The following IGF2BP3 variants were observed in gnomAD, a reference collection of about 807,000 sequenced individuals.
The protein encoded by IGF2BP3 is insulin like growth factor 2 mRNA binding protein 3, also known as insulin-like growth factor 2 mRNA-binding protein 3.
A neutral mutation model predicts 73.8 loss-of-function variants in IGF2BP3; 9 were observed. The observed-to-expected ratio is 0.12, with a 90% CI of 0.07 to 0.21. IGF2BP3 has a LOEUF of 0.21. IGF2BP3 is among the 10% of genes least tolerant of loss of function. The pLI, the probability that IGF2BP3 is intolerant of heterozygous loss-of-function variation, is 1.00. For synonymous variants in IGF2BP3, 258 were observed against 256.7 expected (o/e 1.01, Z -0.05); for missense variants, 542 against 714.0 (o/e 0.76, Z 2.75).
intron 6 of IGF2BP3, among the ~76,000 whole-genome samples, chr7:23,349,982 T>A (rs994768274): frequency 1.3e-5 from 2 of 152,154 alleles, no homozygotes; most frequent in Non-Finnish European, 2.9e-5. Context: ...TCTTTCCCAC[T>A]CCTACATGAT....
intron 10 of IGF2BP3, among the ~76,000 whole-genome samples, chr7:23,325,601 G>C (rs1784272144): frequency 6.6e-6 from 1 of 152,134 alleles, no homozygotes; most frequent in Admixed American, 6.5e-5. Flanking sequence ...CCAAAAAAGA[G>C]CCCGCATTGC....
chr7:23,469,908 G>T lies in IGF2BP3; in HGVS notation c.175+28C>A, dbSNP rs753806362. 2 of 1,572,476 alleles carry T rather than the reference G, an allele frequency of 1.3e-6. No individual in the cohort carries two copies. Among genetic ancestry groups the T allele is most frequent in the Non-Finnish European group, 8.6e-7 (1 of 1,161,638 alleles). On this transcript the variant is annotated intron_variant, in intron 1 of 14. Coordinates refer to ENST00000258729, the MANE Select transcript of IGF2BP3 (RefSeq NM_006547.3). This position sits in a 1 kb window ranked among gnomAD's most constrained non-coding sequence, Gnocchi z 6.1. ...CGGGCGGTGCAGGGCTGGGGCGAGA[G>T]CCCGGGTGGGGCCAGGCCCGGGCCC...
chr7:23,392,402 G>GC (rs540933159), intron 3 of IGF2BP3, among the ~76,000 whole-genome samples: 1 of 133,888 alleles, frequency 7.5e-6, no homozygotes, highest in Non-Finnish European at 1.6e-5. Context: ...CCATTTGGAA[G>GC]AAAAAAAAAA....
At chr7:23,401,764 CAA>C (rs1353664799) in intron 3 of IGF2BP3, among the ~76,000 whole-genome samples, 1 of 143,048 alleles carries the variant, frequency 7.0e-6, no homozygotes, top group Non-Finnish European at 1.5e-5. Flanking sequence ...GACTCGTCTC[CAA>C]AAAAAAAGTC....
intron 5 of IGF2BP3, among the ~76,000 whole-genome samples, chr7:23,357,880 A>G (rs1785135137): frequency 6.6e-6 from 1 of 151,512 alleles, no homozygotes; most frequent in South Asian, 2.1e-4. Context: ...AGTGACATTC[A>G]TAGAGCTTTA....
intron 5 of IGF2BP3, among the ~76,000 whole-genome samples, chr7:23,353,739 T>C (rs1785023474): frequency 6.6e-6 from 1 of 152,212 alleles, no homozygotes; most frequent in African/African-American, 2.4e-5. Context: ...TTTCATAAGC[T>C]TCAGAGGATG....
At position 23,317,632 on chromosome 7, in the gene IGF2BP3, C is replaced by T. The variant is rs1180766644; in HGVS notation, c.1395+7G>A. 6.2e-7 allele frequency: 1 copy of T among 1,612,048 alleles called. No homozygotes were observed. Among genetic ancestry groups the T allele is most frequent in the East Asian group, 2.2e-5 (1 of 44,880 alleles). ...TGTGGACATAGCACATACTCTAGAG[C>T]ACATACCTTGAACTGAGCCTCTGGT... On this transcript the variant is annotated splice_region_variant and intron_variant, in intron 12 of 14. Transcript: ENST00000258729.
intron 12 of IGF2BP3, among the ~76,000 whole-genome samples, chr7:23,316,379 G>A (rs1340971185): frequency 1.3e-5 from 2 of 151,942 alleles, no homozygotes; most frequent in African/African-American, 2.4e-5. Flanking sequence ...ACACTTTAAG[G>A]CTAAAAAAAC....
chr7:23,340,815 A>T (rs1016489126), intron 10 of IGF2BP3, among the ~76,000 whole-genome samples: 1 of 152,062 alleles, frequency 6.6e-6, no homozygotes, highest in Non-Finnish European at 1.5e-5. Context: ...ATTCTTAAAA[A>T]GCAAGTATAA....
intron 2 of IGF2BP3, among the ~76,000 whole-genome samples, chr7:23,448,454 G>C (rs1423601730): frequency 1.3e-5 from 2 of 152,112 alleles, no homozygotes; most frequent in Non-Finnish European, 2.9e-5. Flanking sequence ...CTGTTGCTCA[G>C]GCTGGAGGGC....
At chr7:23,401,075 G>T (rs973888178) in intron 3 of IGF2BP3, among the ~76,000 whole-genome samples, 1 of 152,184 alleles carries the variant, frequency 6.6e-6, no homozygotes, top group African/African-American at 2.4e-5. Context: ...GGAATTACAG[G>T]TGTGAGCTAT....
At chr7:23,466,141 C>T (rs898268021) in intron 2 of IGF2BP3, among the ~76,000 whole-genome samples, 2 of 151,964 alleles carry the variant, frequency 1.3e-5, no homozygotes, top group East Asian at 1.9e-4. Context: ...GCCTCAGCCT[C>T]CCGAGTAGCT....
chr7:23,395,987 C>T (rs766994536), intron 3 of IGF2BP3, among the ~76,000 whole-genome samples: 37 of 151,118 alleles, frequency 2.4e-4, no homozygotes, highest in Non-Finnish European at 4.4e-4. Context: ...AATTTATATC[C>T]TATTTTCTTA....
At chr7:23,372,999 G>C (rs894962958) in intron 3 of IGF2BP3, among the ~76,000 whole-genome samples, 2 of 152,028 alleles carry the variant, frequency 1.3e-5, no homozygotes, top group Non-Finnish European at 1.5e-5. Flanking sequence ...TTAATCACTT[G>C]GTCTAATAAG....
intron 3 of IGF2BP3, among the ~76,000 whole-genome samples, chr7:23,400,924 C>G (rs193125646): frequency 1.3e-5 from 2 of 152,122 alleles, no homozygotes; most frequent in East Asian, 1.9e-4. Flanking sequence ...CTCAGCCTCC[C>G]GAGTAGCTGG....
intron 2 of IGF2BP3, among the ~76,000 whole-genome samples, chr7:23,425,416 C>T (rs1309676066): frequency 6.6e-6 from 1 of 152,200 alleles, no homozygotes; most frequent in Non-Finnish European, 1.5e-5. Context: ...GGATCTTGCT[C>T]TATTGCCCAG....
At chr7:23,432,535 C>T (rs920977987) in intron 2 of IGF2BP3, among the ~76,000 whole-genome samples, 3 of 151,040 alleles carry the variant, frequency 2.0e-5, no homozygotes, top group Admixed American at 2.0e-4. Flanking sequence ...AACAAACAAA[C>T]AAAAAAAACA....
intron 2 of IGF2BP3, among the ~76,000 whole-genome samples, chr7:23,424,475 C>T (rs571036856): frequency 9.2e-5 from 14 of 152,004 alleles, no homozygotes; most frequent in Admixed American, 2.0e-4. Context: ...CTAGCCTGGG[C>T]GACAAAGCAA....
intron 10 of IGF2BP3, among the ~76,000 whole-genome samples, chr7:23,321,344 T>C (rs1478979790): frequency 5.9e-5 from 9 of 152,212 alleles, no homozygotes; most frequent in South Asian, 4.2e-4. Context: ...CACTCCCACA[T>C]GAATACTGCG....
Sources: gnomAD v4.1 joint callset for allele counts (sites outside exome capture counted in the v4.1 genomes callset) on GRCh38, gnomAD v4.1.1 for gene constraint, Gnocchi (gnomAD v3.1) non-coding constraint, MANE v1.5 for transcripts, NCBI Gene and HGNC (gene_info 2026-07-23, HGNC 2026-07-21) for gene names.